ATXN3: variants seen among roughly 807,000 people sequenced by gnomAD.
ATXN3 encodes the protein ataxin-3.
A neutral mutation model predicts 58.2 loss-of-function variants in ATXN3; 28 were observed. The observed-to-expected ratio is 0.48, with a 90% CI of 0.36 to 0.66. ATXN3 has a LOEUF of 0.66. Among genes scored for constraint, ATXN3 ranks in the 30% least tolerant of loss-of-function variants. The probability of loss-of-function intolerance (pLI) is 0.00; values close to 1 mark genes in which losing one functional copy is unlikely to be tolerated. For missense variants in ATXN3, 321 were observed against 422.1 expected, an observed-to-expected ratio of 0.76 and a Z score of 2.10; for synonymous variants, 113 against 138.5, an observed-to-expected ratio of 0.82 and a Z score of 1.29.
chr14:92,046,698 G>A (rs2057429527), intron 2 of ATXN3, among the ~76,000 whole-genome samples: 1 of 152,174 alleles, frequency 6.6e-6, no homozygotes, highest in African/African-American at 2.4e-5. Flanking sequence ...TTATATAATG[G>A]TTTTGTTAGG....
At chr14:92,070,734 C>A (rs980178287) in intron 10 of ATXN3, 3 of 1,333,258 alleles carry the variant, frequency 2.3e-6, no homozygotes, top group Non-Finnish European at 3.0e-6. Context: ...ATGTGAGCCA[C>A]CACATCTAGC....
intron 10 of ATXN3, among the ~76,000 whole-genome samples, chr14:92,067,390 C>T (rs1341191430): frequency 1.3e-5 from 2 of 152,140 alleles, no homozygotes; most frequent in African/African-American, 4.8e-5. Context: ...TTTCTCATCT[C>T]CTTCTGGGAA....
intron 2 of ATXN3, among the ~76,000 whole-genome samples, chr14:92,046,479 G>C (rs1345688953): frequency 2.0e-5 from 3 of 152,238 alleles, no homozygotes; most frequent in African/African-American, 7.2e-5. Context: ...TGTTTGGACA[G>C]AAAGGCTACA....
chr14:92,086,961 T>C (rs1167327570), intron 6 of ATXN3, among the ~76,000 whole-genome samples: 2 of 152,110 alleles, frequency 1.3e-5, no homozygotes, highest in Admixed American at 6.6e-5. Context: ...TCTATTTAAA[T>C]AGGCTCAAAG....
At chr14:92,083,445 AAAGT>A (rs2061823956) in intron 6 of ATXN3, 187 bp from the exon 7 acceptor site, 1 of 695,778 alleles carries the variant, frequency 1.4e-6, no homozygotes, top group South Asian at 1.5e-5. Flanking sequence ...TAAGTTACTT[AAAGT>A]CTCTGAGCCT....
In ATXN3 at chr14:92,070,966, G is replaced by T. The variant is rs1052315802; in HGVS notation, c.960C>A (p.Ala320=). 1 of 1,442,088 alleles carries T rather than the reference G, an allele frequency of 6.9e-7. No individual in the cohort carries two copies. The highest frequency in any genetic ancestry group is 2.2e-5 in the African/African-American group (1 of 46,266). The allele number at this position is 1,442,088 out of a possible 1,614,324, so 89.3% of individuals were successfully genotyped here. The change falls in exon 10 of 11, where the codon GCC becomes GCA. Residue 320 remains alanine (A), a synonymous_variant. Coordinates refer to ENST00000644486, the MANE Select transcript of ATXN3 (RefSeq NM_004993.6). ...GQSSHPCERP[A]TSSGALGSDL... ...CACTCCCAAGTGCTCCTGAACTGGT[G>T]GCTGGCCTTTCACATGGATGTGAAC...
At chr14:92,081,115 G>A (rs1048486133) in intron 8 of ATXN3, 54 bp from the exon 9 acceptor site, 55 of 1,218,152 alleles carry the variant, frequency 4.5e-5, no homozygotes, top group Non-Finnish European at 6.0e-5. Flanking sequence ...ACCAATTCAA[G>A]CAACAATATG....
At chr14:92,070,454 C>T (rs953751470) in intron 10 of ATXN3, among the ~76,000 whole-genome samples, 1 of 152,124 alleles carries the variant, frequency 6.6e-6, no homozygotes, top group South Asian at 2.1e-4. Flanking sequence ...TGGCGGGCGC[C>T]TGTAGTCCCA....
intron 5 of ATXN3, among the ~76,000 whole-genome samples, chr14:92,092,155 T>C (rs894814911): frequency 6.6e-6 from 1 of 152,222 alleles, no homozygotes; most frequent in African/African-American, 2.4e-5. Context: ...CGCTGGTCAA[T>C]CTGCTTTCCA....
intron 2 of ATXN3, among the ~76,000 whole-genome samples, chr14:92,047,088 G>T (rs1252912500): frequency 6.6e-6 from 1 of 152,160 alleles, no homozygotes; most frequent in Admixed American, 6.6e-5. Flanking sequence ...CCTTGCGGCA[G>T]TACAGCCCAG....
intron 5 of ATXN3, among the ~76,000 whole-genome samples, chr14:92,093,032 TG>T (rs1362134134): frequency 6.9e-6 from 1 of 143,952 alleles, no homozygotes; most frequent in Non-Finnish European, 1.5e-5. Context: ...CCTGGCTCTT[TG>T]TTTTTTTTTT....
chr14:92,052,069 C>A (rs2057450765), upstream of ATXN3, among the ~76,000 whole-genome samples: 1 of 151,938 alleles, frequency 6.6e-6, no homozygotes, highest in Non-Finnish European at 1.5e-5. Context: ...CTACATCTAA[C>A]CCCCACCTCT....
downstream of ATXN3, among the ~76,000 whole-genome samples, chr14:92,055,680 G>A (rs1193982914): frequency 1.3e-5 from 2 of 152,116 alleles, no homozygotes; most frequent in Non-Finnish European, 2.9e-5. The surrounding 1 kb of genome is among the most constrained non-coding windows in gnomAD (Gnocchi z 4.5). Flanking sequence ...GTTAAATCTG[G>A]CCAGGTTAGG....
In ATXN3 at chr14:92,074,382, T is replaced by G. The variant is rs186950202; in HGVS notation, c.873-3329A>C. Among the ~76,000 whole-genome samples, 127 of 152,288 alleles carry G rather than the reference T, an allele frequency of 8.3e-4. 1 individual carries two copies. The highest frequency in any genetic ancestry group is 2.6e-3 in the Admixed American group (40 of 15,286). On this transcript the variant is annotated intron_variant, in intron 9 of 10. Coordinates refer to ENST00000644486, the MANE Select transcript of ATXN3 (RefSeq NM_004993.6). ...CCTAGCCATCTCCCTCCACTTTGGT[T>G]GTTCTCTGGTGGCAAGCAAAGCCAT...
In ATXN3 at chr14:92,064,245, C is replaced by T; in HGVS notation, c.*75G>A. ...TTTCCTCATCTCTTTGACACATTAC[C>T]AAAGTGGACCCTATGCTGTAATCAC... On this transcript the variant is annotated 3_prime_UTR_variant, in exon 11 of 11. Transcript: ENST00000644486. 9.2e-7 allele frequency: 1 copy of T among 1,091,508 alleles called. No individual in the cohort carries two copies. The highest frequency in any genetic ancestry group is 1.3e-6 in the Non-Finnish European group (1 of 743,966). 67.6% of individuals were successfully genotyped at this position (1,091,508 alleles called of 1,614,324 possible). A position where few individuals can be genotyped will look rare whatever the true frequency, so the allele number is the denominator to read the frequency against.
At chr14:92,093,386 T>C (rs1440634156) in intron 4 of ATXN3, 68 bp from the exon 5 acceptor site, 4 of 778,410 alleles carry the variant, frequency 5.1e-6, no homozygotes, top group Non-Finnish European at 8.2e-6. Flanking sequence ...TACTGGCAAA[T>C]ATTATATAAA....
rs370605537 is a variant in ATXN3, at chr14:92,069,214, G to A, written c.991+1721C>T. Among the ~76,000 whole-genome samples the A allele has an allele frequency of 1.5e-4, 21 of 144,802 alleles. No individual in the cohort carries two copies. In the East Asian group the frequency reaches 1.9e-3, roughly 13 times the overall value. 95.0% of individuals were successfully genotyped at this position (144,802 alleles called of 152,430 possible). On this transcript the variant is annotated intron_variant, in intron 10 of 10. Coordinates refer to ENST00000644486, the MANE Select transcript of ATXN3 (RefSeq NM_004993.6). ...CTGCCTCAGCCTCCTGGGATTACAG[G>A]TGCCCACCACCATGCCCAGCAAATT...
intron 10 of ATXN3, among the ~76,000 whole-genome samples, chr14:92,065,120 T>C (rs1395071217): frequency 5.3e-5 from 8 of 152,334 alleles, no homozygotes; most frequent in Non-Finnish European, 8.8e-5. Flanking sequence ...ACCTATCTTT[T>C]ACCCACTTTC....
upstream of ATXN3, among the ~76,000 whole-genome samples, chr14:92,052,894 C>A (rs1004495491): frequency 1.3e-5 from 2 of 152,186 alleles, no homozygotes; most frequent in Non-Finnish European, 2.9e-5. Flanking sequence ...TGGCTTCCTT[C>A]TTTTCCTATT....
Sources: allele counts gnomAD v4.1 joint callset (sites outside exome capture counted in the v4.1 genomes callset), GRCh38; gene constraint gnomAD v4.1.1; non-coding constraint Gnocchi (gnomAD v3.1); transcripts MANE v1.5; gene names NCBI Gene and HGNC (gene_info 2026-07-23, HGNC 2026-07-21).